The following HIVEP1 variants were observed in gnomAD, a reference collection of about 807,000 sequenced individuals.
HIVEP1 encodes the protein HIVEP zinc finger 1.
Under a neutral mutation model 180.0 loss-of-function variants are expected in HIVEP1, and 36 were observed. The ratio of observed to expected loss-of-function variants is 0.20; its 90% CI spans 0.15 to 0.26. The LOEUF (loss-of-function observed/expected upper bound fraction) is 0.26, where lower values mean the gene tolerates loss of function less well. Among genes scored for constraint, HIVEP1 ranks in the 10% least tolerant of loss-of-function variants. The pLI is 1.00. For missense variants in HIVEP1, 3,143 were observed against 3,268.7 expected (o/e 0.96, Z 0.94); for synonymous variants, 1,239 against 1,239.0 (o/e 1.00, Z 0.00).
At chr6:12,042,370 C>T (rs1318156789) in intron 2 of HIVEP1, among the ~76,000 whole-genome samples, 1 of 130,140 alleles carries the variant, frequency 7.7e-6, no homozygotes, top group Non-Finnish European at 1.6e-5. Flanking sequence ...CGTGAGCCAC[C>T]GCACCCGGCC....
At chr6:12,076,680 C>T (rs1772372897) in intron 2 of HIVEP1, among the ~76,000 whole-genome samples, 1 of 152,138 alleles carries the variant, frequency 6.6e-6, no homozygotes, top group South Asian at 2.1e-4. Flanking sequence ...AGGGTGGAGC[C>T]TTCATGACCT....
chr6:12,180,357 A>G, the HIVEP1 span, among the ~76,000 whole-genome samples: 2 of 152,224 alleles, frequency 1.3e-5, no homozygotes, highest in Non-Finnish European at 2.9e-5. Flanking sequence ...CGGCATATAC[A>G]TTTGCAGCGA....
At chr6:12,137,696 T>C (rs1758780218) in intron 7 of HIVEP1, among the ~76,000 whole-genome samples, 1 of 152,072 alleles carries the variant, frequency 6.6e-6, no homozygotes, top group African/African-American at 2.4e-5. Context: ...CATGCTGTGC[T>C]AGAGACCTAA....
chr6:12,115,616 G>A (rs1300680265), intron 3 of HIVEP1, among the ~76,000 whole-genome samples: 1 of 151,976 alleles, frequency 6.6e-6, no homozygotes, highest in Non-Finnish European at 1.5e-5. Flanking sequence ...ACTGACAAGT[G>A]GGAGAATACA....
chr6:12,113,323 C>T (rs1775022324), intron 3 of HIVEP1, among the ~76,000 whole-genome samples: 1 of 151,468 alleles, frequency 6.6e-6, no homozygotes, highest in Admixed American at 6.6e-5. Flanking sequence ...TGAAAATGAC[C>T]CTGTCATCTT....
the HIVEP1 span, among the ~76,000 whole-genome samples, chr6:12,197,502 G>A: frequency 6.8e-6 from 1 of 147,450 alleles, no homozygotes; most frequent in Non-Finnish European, 1.5e-5. Context: ...GCAGTGAGCC[G>A]AGGTCGAGCC....
At position 12,164,388 on chromosome 6, in the gene HIVEP1, G is replaced by A. The variant is rs1475339408; in HGVS notation, c.8084G>A (p.Arg2695Gln). 26 of 1,614,050 alleles carry A rather than the reference G, an allele frequency of 1.6e-5. No homozygotes were observed. The highest frequency in any genetic ancestry group is 3.3e-5 in the Admixed American group (2 of 60,008). The change falls in exon 9 of 9, where the codon CGG becomes CAG. Residue 2695 changes from arginine (R) to glutamine (Q), a missense_variant. Arg to Gln is a conservative substitution (Grantham distance 43). This residue lies in a region of HIVEP1 where 595 missense variants were observed against 602.2 expected (regional missense o/e 0.99). Coordinates refer to ENST00000379388, the MANE Select transcript of HIVEP1 (RefSeq NM_002114.4). Reference sequence around the variant, plus strand: ...GTTCCCAGGCCCACAGCACTACCGCGGAGGCAGCCCACTGTGCACTTCAGC... The same window carrying A: ...GTTCCCAGGCCCACAGCACTACCGCAGAGGCAGCCCACTGTGCACTTCAGC... The part of the protein sequence containing the change: ...RQVPRPTALP[R>Q]RQPTVHFSDV...
the HIVEP1 span, among the ~76,000 whole-genome samples, chr6:12,172,904 A>G: frequency 6.6e-6 from 1 of 151,928 alleles, no homozygotes; most frequent in African/African-American, 2.4e-5. Flanking sequence ...AAAACATCCC[A>G]TTTAAATTTT....
chr6:12,143,578 A>G, intron 7 of HIVEP1, among the ~76,000 whole-genome samples: 1 of 152,196 alleles, frequency 6.6e-6, no homozygotes, highest in East Asian at 1.9e-4. Flanking sequence ...TTCAATTAGG[A>G]AAAGAAGAAG....
the HIVEP1 span, among the ~76,000 whole-genome samples, chr6:12,176,076 A>T: frequency 6.6e-6 from 1 of 152,056 alleles, no homozygotes; most frequent in Non-Finnish European, 1.5e-5. Context: ...TTCTGCTGGG[A>T]TCCGGGATTC....
At chr6:12,204,413 A>G in the HIVEP1 span, among the ~76,000 whole-genome samples, 1 of 59,342 alleles carries the variant, frequency 1.7e-5, no homozygotes. Context: ...GCTTCCCTCA[A>G]CCCTCATCTA....
intron 2 of HIVEP1, among the ~76,000 whole-genome samples, chr6:12,087,828 A>G (rs1378526392): frequency 6.6e-6 from 1 of 152,176 alleles, no homozygotes; most frequent in Non-Finnish European, 1.5e-5. Context: ...GTCTTATTCC[A>G]AAGATTGCCT....
At chr6:12,129,690 T>C in intron 4 of HIVEP1, 69 bp from the exon 5 acceptor site, 1 of 1,270,146 alleles carries the variant, frequency 7.9e-7, no homozygotes. Context: ...TGTTTTAATT[T>C]CCAGTGAAAG....
chr6:12,017,787 T>C (rs4357124), intron 2 of HIVEP1, among the ~76,000 whole-genome samples: 102,848 of 152,012 alleles, frequency 0.68, 35,540 homozygotes, highest in Non-Finnish European at 0.75. Context: ...TAAAGAGTGC[T>C]GATTGGTGTA....
chr6:12,059,522 C>A (rs1409141418), intron 2 of HIVEP1, among the ~76,000 whole-genome samples: 2 of 152,160 alleles, frequency 1.3e-5, no homozygotes, highest in African/African-American at 2.4e-5. Flanking sequence ...GGCTTAGATT[C>A]CTTTCACGTT....
chr6:12,152,068 A>G (rs1457241944), intron 7 of HIVEP1, among the ~76,000 whole-genome samples: 1 of 152,180 alleles, frequency 6.6e-6, no homozygotes, highest in Non-Finnish European at 1.5e-5. Context: ...AAGCAGGAGA[A>G]TCGCTTGAAC....
upstream of HIVEP1, among the ~76,000 whole-genome samples, chr6:12,011,594 A>ACCTCCTCCCGCGT (rs1370932860): frequency 6.7e-5 from 7 of 104,798 alleles, no homozygotes; most frequent in Non-Finnish European, 1.2e-4. Flanking sequence ...CTGCGCTGCC[A>ACCTCCTCCCGCGT]CCTCCTCCCG....
downstream of HIVEP1, among the ~76,000 whole-genome samples, chr6:12,167,621 TATATACATGTTATATATACATATAC>T (rs1431461401): frequency 1.8e-4 from 17 of 93,670 alleles, no homozygotes; most frequent in African/African-American, 6.3e-4. Context: ...ATTACATGTA[TATATACATGTTATATATACATATAC>T]ATATATATGT....
At chr6:12,118,140 TG>T (rs1186579938) in intron 3 of HIVEP1, among the ~76,000 whole-genome samples, 1,670 of 22,140 alleles carry the variant, frequency 0.075, 30 homozygotes, top group African/African-American at 0.086. Context: ...GACCCCCTTT[TG>T]TTTTTTTTTT....
Sources: allele counts gnomAD v4.1 joint callset (sites outside exome capture counted in the v4.1 genomes callset), GRCh38; gene constraint gnomAD v4.1.1; regional missense constraint gnomAD v4.1.1; transcripts MANE v1.5; gene names NCBI Gene and HGNC (gene_info 2026-07-23, HGNC 2026-07-21).